The following BABAM2 variants were observed in gnomAD, a reference collection of about 807,000 sequenced individuals.
BABAM2 encodes BRISC and BRCA1-A complex member 2.
Under a neutral mutation model 54.7 loss-of-function variants are expected in BABAM2, and 31 were observed. The observed-to-expected ratio is 0.57, with a 90% confidence interval of 0.43 to 0.77. The LOEUF (loss-of-function observed/expected upper bound fraction) is 0.77, where lower values mean the gene tolerates loss of function less well. Among genes scored for constraint, BABAM2 ranks in the 30% least tolerant of loss-of-function variants. The pLI is 0.00. For missense variants in BABAM2, 364 were observed against 455.8 expected (o/e 0.80, Z 1.83); for synonymous variants, 167 against 162.9 (o/e 1.03, Z -0.19).
intron 5 of BABAM2, among the ~76,000 whole-genome samples, chr2:28,045,206 A>C (rs1256027478): frequency 6.6e-6 from 1 of 152,196 alleles, no homozygotes. Flanking sequence ...TGATAATGAT[A>C]TAGTGGACTT....
intron 8 of BABAM2, 28 bp from the exon 9 acceptor site, chr2:28,241,295 A>G (rs753130842): frequency 2.5e-6 from 4 of 1,599,238 alleles, no homozygotes; most frequent in South Asian, 1.1e-5. Flanking sequence ...TTCCCACTCT[A>G]CTTCTCAGCT....
rs1238802683 is a variant in BABAM2 at position 28,218,112 on chromosome 2, G to A, written c.681-19090G>A. 2.0e-5 allele frequency among the ~76,000 whole-genome samples: 3 copies of A among 152,108 alleles called. No homozygotes were observed. The East Asian group carries it at 5.8e-4, about 29-fold the overall frequency. On this transcript the variant is annotated intron_variant, in intron 7 of 11. Transcript: ENST00000379624. ...TTTGCCTTATGTATTTATTCTCTAT[G>A]TACTTACATTTTTGTATCTGCTCAT...
At chr2:28,205,275 GT>G (rs1480219354) in intron 7 of BABAM2, among the ~76,000 whole-genome samples, 3 of 152,082 alleles carry the variant, frequency 2.0e-5, no homozygotes, top group African/African-American at 7.2e-5. Context: ...GCTGAGGTGG[GT>G]GGATCATGAG....
intron 5 of BABAM2, among the ~76,000 whole-genome samples, chr2:28,039,804 G>A (rs531369308): frequency 1.3e-5 from 2 of 152,128 alleles, no homozygotes; most frequent in Non-Finnish European, 2.9e-5. Context: ...GCTTGCCAAC[G>A]TACTATAACT....
intron 2 of BABAM2, among the ~76,000 whole-genome samples, chr2:27,916,919 G>A (rs1423345895): frequency 6.6e-6 from 1 of 151,110 alleles, no homozygotes; most frequent in Admixed American, 6.6e-5. Context: ...AAATTGTGTT[G>A]TGTGACTTTC....
At chr2:28,167,430 A>G (rs1673800260) in intron 7 of BABAM2, among the ~76,000 whole-genome samples, 1 of 152,212 alleles carries the variant, frequency 6.6e-6, no homozygotes, top group Non-Finnish European at 1.5e-5. Context: ...GCAGTGGCTC[A>G]TGCCTGTAAT....
chr2:28,000,461 T>C (rs1673500342), intron 4 of BABAM2, among the ~76,000 whole-genome samples: 1 of 152,194 alleles, frequency 6.6e-6, no homozygotes, highest in Non-Finnish European at 1.5e-5. Flanking sequence ...CAAGTCATAT[T>C]GATAGCCACA....
intron 5 of BABAM2, among the ~76,000 whole-genome samples, chr2:28,044,076 C>T (rs1268822289): frequency 6.6e-6 from 1 of 152,120 alleles, no homozygotes; most frequent in African/African-American, 2.4e-5. Flanking sequence ...AATGCTCTGT[C>T]CTTAGCCAGA....
intron 4 of BABAM2, among the ~76,000 whole-genome samples, chr2:28,013,088 T>C (rs10495761): frequency 0.22 from 33,438 of 152,090 alleles, 4,514 homozygotes; most frequent in East Asian, 0.62. Flanking sequence ...TAGCAATTTC[T>C]GATGGGCAAG....
intron 7 of BABAM2, among the ~76,000 whole-genome samples, chr2:28,181,461 CAT>C (rs971064547): frequency 6.6e-6 from 1 of 152,096 alleles, no homozygotes; most frequent in Non-Finnish European, 1.5e-5. Flanking sequence ...TGGGTACAAA[CAT>C]ATAGTTAGAA....
chr2:28,158,573 G>A (rs1275018681), intron 7 of BABAM2, among the ~76,000 whole-genome samples: 1 of 152,204 alleles, frequency 6.6e-6, no homozygotes, highest in Non-Finnish European at 1.5e-5. Context: ...TCATCTGTTA[G>A]GATTGGCAAT....
At chr2:28,031,107 C>T (rs1291609688) in intron 5 of BABAM2, among the ~76,000 whole-genome samples, 2 of 152,270 alleles carry the variant, frequency 1.3e-5, no homozygotes, top group Non-Finnish European at 2.9e-5. Context: ...ACTGTCATGA[C>T]AAACTTAGTT....
chr2:28,286,147 G>C (rs1178753903), intron 10 of BABAM2, among the ~76,000 whole-genome samples: 2 of 151,750 alleles, frequency 1.3e-5, no homozygotes, highest in African/African-American at 4.8e-5. Flanking sequence ...TTAGAAACAG[G>C]GTTTCACCAT....
At chr2:27,936,691 C>T (rs1457170854) in intron 3 of BABAM2, among the ~76,000 whole-genome samples, 3 of 151,924 alleles carry the variant, frequency 2.0e-5, no homozygotes, top group Admixed American at 6.6e-5. Context: ...AGTAAACTAT[C>T]GCAAGGACAA....
At chr2:28,205,235 C>T (rs1253879312) in intron 7 of BABAM2, among the ~76,000 whole-genome samples, 4 of 152,124 alleles carry the variant, frequency 2.6e-5, no homozygotes, top group Non-Finnish European at 4.4e-5. Context: ...GGCAGGGTGG[C>T]TCACGCCTGT....
At chr2:28,067,883 A>G (rs930314931) in intron 6 of BABAM2, among the ~76,000 whole-genome samples, 5 of 152,206 alleles carry the variant, frequency 3.3e-5, no homozygotes, top group African/African-American at 1.2e-4. Context: ...TTTATAGCAC[A>G]GTGCCCTGAA....
intron 7 of BABAM2, among the ~76,000 whole-genome samples, chr2:28,149,123 G>A (rs746284775): frequency 1.9e-4 from 29 of 152,164 alleles, no homozygotes; most frequent in South Asian, 4.1e-4. Flanking sequence ...AATGGAAATG[G>A]TAACAGCATT....
intron 3 of BABAM2, among the ~76,000 whole-genome samples, chr2:27,945,520 G>A (rs750129449): frequency 2.0e-5 from 3 of 152,014 alleles, no homozygotes; most frequent in Non-Finnish European, 2.9e-5. Flanking sequence ...AAGCTGTTTC[G>A]GATATTCTAA....
chr2:27,968,084 T>C lies in BABAM2; in HGVS notation c.206-19909T>C, dbSNP rs141134282. 1.2e-3 allele frequency among the ~76,000 whole-genome samples: 179 copies of C among 152,346 alleles called. 1 individual carries two copies. The highest frequency in any genetic ancestry group is 4.3e-3 in the African/African-American group (177 of 41,582). On this transcript the variant is annotated intron_variant, in intron 3 of 11. Transcript: ENST00000379624. Reference sequence around the variant, plus strand: ...TACATAAGTAATGAGGAGCCGAATGTTGATCCTCAAGACAGTAGGGAAAAT... The same window carrying C: ...TACATAAGTAATGAGGAGCCGAATGCTGATCCTCAAGACAGTAGGGAAAAT...
Sources: gnomAD v4.1 joint callset for allele counts (sites outside exome capture counted in the v4.1 genomes callset) on GRCh38, gnomAD v4.1.1 for gene constraint, MANE v1.5 for transcripts, NCBI Gene and HGNC (gene_info 2026-07-23, HGNC 2026-07-21) for gene names.